Variants in CADM2 observed in about 807,000 individuals in gnomAD.
The protein encoded by CADM2 is cell adhesion molecule 2, also known as immunoglobulin superfamily member 4D.
In CADM2, 12 loss-of-function variants were observed where a neutral mutation model predicts 49.8. The ratio of observed to expected loss-of-function variants is 0.24; its 90% CI spans 0.15 to 0.39. The LOEUF is 0.39. CADM2 is among the 10% of genes least tolerant of loss of function. The pLI is 1.00. For missense variants in CADM2, 378 were observed against 492.3 expected (o/e 0.77, Z 2.20); for synonymous variants, 214 against 175.4 (o/e 1.22, Z -1.74).
chr3:85,470,555 C>T (rs1321414622), intron 1 of CADM2, among the ~76,000 whole-genome samples: 1 of 152,022 alleles, frequency 6.6e-6, no homozygotes, highest in Non-Finnish European at 1.5e-5. Context: ...GGTATCCTCC[C>T]AATTCTGGAA....
chr3:85,647,875 C>T (rs976631621), intron 1 of CADM2, among the ~76,000 whole-genome samples: 2 of 151,818 alleles, frequency 1.3e-5, no homozygotes, highest in Non-Finnish European at 3.0e-5. Context: ...AATTGACTTG[C>T]CACTCAGTTG....
At chr3:85,282,077 A>C (rs1281280826) in intron 1 of CADM2, among the ~76,000 whole-genome samples, 2 of 152,050 alleles carry the variant, frequency 1.3e-5, no homozygotes, top group Non-Finnish European at 2.9e-5. Flanking sequence ...AATATGTGTG[A>C]AATATTATAC....
intron 8 of CADM2, among the ~76,000 whole-genome samples, chr3:86,021,211 G>A (rs1733124957): frequency 6.6e-6 from 1 of 152,210 alleles, no homozygotes; most frequent in African/African-American, 2.4e-5. Flanking sequence ...TGTTGGCCAG[G>A]CTGGTCTCGA....
At chr3:85,893,480 G>A (rs1470232492) in intron 5 of CADM2, among the ~76,000 whole-genome samples, 2 of 152,134 alleles carry the variant, frequency 1.3e-5, no homozygotes, top group Non-Finnish European at 2.9e-5. Flanking sequence ...GGCAACAAAA[G>A]CCAAAATTGA....
At chr3:85,909,088 T>G (rs928272111) in intron 5 of CADM2, among the ~76,000 whole-genome samples, 1 of 152,068 alleles carries the variant, frequency 6.6e-6, no homozygotes, top group African/African-American at 2.4e-5. Context: ...ACTGTAAAAT[T>G]TTTACACAAA....
At chr3:85,550,583 G>A (rs1341933639) in intron 1 of CADM2, among the ~76,000 whole-genome samples, 1 of 151,958 alleles carries the variant, frequency 6.6e-6, no homozygotes, top group Non-Finnish European at 1.5e-5. Flanking sequence ...CTTTTCTAGT[G>A]GTAAATTAGC....
intron 1 of CADM2, among the ~76,000 whole-genome samples, chr3:84,988,605 A>G (rs1485430746): frequency 6.6e-6 from 1 of 152,170 alleles, no homozygotes; most frequent in African/African-American, 2.4e-5. Flanking sequence ...CTCGGCTTTG[A>G]AACCCTCATT....
intron 3 of CADM2, among the ~76,000 whole-genome samples, chr3:85,839,935 G>T (rs2074569503): frequency 6.6e-6 from 1 of 151,606 alleles, no homozygotes; most frequent in African/African-American, 2.4e-5. Context: ...ATCATTTTTT[G>T]GCCATGTCTT....
chr3:85,107,512 G>T (rs1398668160), intron 1 of CADM2, among the ~76,000 whole-genome samples: 1 of 152,048 alleles, frequency 6.6e-6, no homozygotes, highest in South Asian at 2.1e-4. Context: ...TTGCTGATAG[G>T]ATTGTAAAAT....
intron 1 of CADM2, among the ~76,000 whole-genome samples, chr3:85,668,888 T>C (rs1474832745): frequency 6.6e-6 from 1 of 152,174 alleles, no homozygotes; most frequent in Non-Finnish European, 1.5e-5. Flanking sequence ...ATTGTTTTAA[T>C]AGTCAAATAC....
At chr3:85,413,287 C>A (rs1213818890) in intron 1 of CADM2, among the ~76,000 whole-genome samples, 1 of 151,242 alleles carries the variant, frequency 6.6e-6, no homozygotes, top group Admixed American at 6.6e-5. Flanking sequence ...GGTACACATT[C>A]AGAAACAAAC....
At chr3:85,133,923 C>T (rs1300771820) in intron 1 of CADM2, among the ~76,000 whole-genome samples, 1 of 152,182 alleles carries the variant, frequency 6.6e-6, no homozygotes, top group Non-Finnish European at 1.5e-5. Context: ...CGGCGCTCGT[C>T]GGGGAGGCTC....
rs2043906365 is a variant in CADM2, at chr3:85,294,682, A to T, written c.61+335014A>T. ...TTTGACAAACCTGAGAAAAACAAGC[A>T]ATGGGGAAAGGATTCCCTATTTAAT... On this transcript the variant is annotated intron_variant, in intron 1 of 9. Coordinates refer to ENST00000383699, the MANE Select transcript of CADM2 (RefSeq NM_001167675.2). Among the ~76,000 whole-genome samples, 4 of 151,358 alleles carry T rather than the reference A, an allele frequency of 2.6e-5. No individual in the cohort carries two copies. In the South Asian group the frequency reaches 8.3e-4, roughly 31 times the overall value.
At chr3:85,772,927 T>A (rs1559647314) in intron 2 of CADM2, among the ~76,000 whole-genome samples, 1 of 151,934 alleles carries the variant, frequency 6.6e-6, no homozygotes, top group Non-Finnish European at 1.5e-5. Flanking sequence ...TTCTTTTTTT[T>A]GATTCTAGCT....
At chr3:85,872,305 C>T (rs2075960276) in intron 3 of CADM2, among the ~76,000 whole-genome samples, 1 of 152,144 alleles carries the variant, frequency 6.6e-6, no homozygotes, top group South Asian at 2.1e-4. Flanking sequence ...AAGTCACCTC[C>T]ACAGTATATC....
Position 85,577,320 on chromosome 3 carries a change from G to A in CADM2, c.62-149202G>A, listed in dbSNP as rs186865934. 2.4e-3 allele frequency among the ~76,000 whole-genome samples: 361 copies of A among 152,200 alleles called. 1 individual carries two copies. The highest frequency in any genetic ancestry group is 4.6e-3 in the Admixed American group (71 of 15,284). The stretch of plus-strand genomic sequence containing the variant: ...CTATAGGAGGAGATTGGGTTAGAAG[G>A]GCTCTACCCTCATGAATGAATGAAT... On this transcript the variant is annotated intron_variant, in intron 1 of 9. Transcript: ENST00000383699.
Position 85,707,297 on chromosome 3 carries a change from T to C in CADM2, c.62-19225T>C, listed in dbSNP as rs559530514. ...GGATGTAAAACTGATTTGTCTAATA[T>C]GAGTTTCTTAGCTTTCATAAATTCC... is the stretch of plus-strand genomic sequence containing the variant. On this transcript the variant is annotated intron_variant, in intron 1 of 9. Coordinates refer to ENST00000383699, the MANE Select transcript of CADM2 (RefSeq NM_001167675.2). Among the ~76,000 whole-genome samples, 7 of 152,112 alleles carry C rather than the reference T, an allele frequency of 4.6e-5. No homozygotes were observed. In the East Asian group the frequency reaches 1.4e-3, roughly 29 times the overall value.
chr3:85,364,671 C>T (rs2032612885), intron 1 of CADM2, among the ~76,000 whole-genome samples: 1 of 152,164 alleles, frequency 6.6e-6, no homozygotes, highest in Non-Finnish European at 1.5e-5. Context: ...TGAATTACTA[C>T]AGCCCCCAAT....
chr3:85,223,905 A>C (rs1422147566), intron 1 of CADM2, among the ~76,000 whole-genome samples: 1 of 152,124 alleles, frequency 6.6e-6, no homozygotes, highest in Non-Finnish European at 1.5e-5. Context: ...TTCCAGCTTC[A>C]TCCATGTCCC....
Sources: allele counts gnomAD v4.1 joint callset (sites outside exome capture counted in the v4.1 genomes callset), GRCh38; gene constraint gnomAD v4.1.1; transcripts MANE v1.5; gene names NCBI Gene and HGNC (gene_info 2026-07-23, HGNC 2026-07-21).